The following UHRF2 variants were observed in gnomAD, a reference collection of about 807,000 sequenced individuals.
The protein encoded by UHRF2 is ubiquitin like with PHD and ring finger domains 2.
A neutral mutation model predicts 96.8 loss-of-function variants in UHRF2; 23 were observed. The ratio of observed to expected loss-of-function variants is 0.24; its 90% confidence interval spans 0.17 to 0.34. UHRF2 has a LOEUF of 0.34. Among genes scored for constraint, UHRF2 ranks in the 10% least tolerant of loss-of-function variants. The pLI is 1.00. For synonymous variants in UHRF2, 385 were observed against 332.6 expected, an observed-to-expected ratio of 1.16 and a Z score of -1.72; for missense variants, 685 against 981.5, an observed-to-expected ratio of 0.70 and a Z score of 4.04.
chr9:6,416,170 T>G (rs1587750864), intron 1 of UHRF2, among the ~76,000 whole-genome samples: 1 of 152,130 alleles, frequency 6.6e-6, no homozygotes, highest in Admixed American at 6.6e-5. Context: ...TTCAAGCGAT[T>G]CCCCTGCCGC....
rs764909982 is a variant in UHRF2 at position 6,460,637 on chromosome 9, T to C, written c.709T>C (p.Leu237=). Residue 237 remains leucine, a synonymous_variant, in exon 4 of 16, where the codon TTG becomes CTG. Transcript: ENST00000276893. ...KDLRPRARTI[L]KWNELNVGDV... ...TCTTAGACCACGAGCTAGAACCATTTTGAAATGGAATGAACTAAATGTTGG... is the reference window on the plus strand; with the variant it reads ...TCTTAGACCACGAGCTAGAACCATTCTGAAATGGAATGAACTAAATGTTGG... 1 of 1,613,194 alleles carries C rather than the reference T, an allele frequency of 6.2e-7. No individual in the cohort carries two copies. The highest frequency in any genetic ancestry group is 8.5e-7 in the Non-Finnish European group (1 of 1,179,792).
intron 3 of UHRF2, among the ~76,000 whole-genome samples, chr9:6,445,981 C>CCCCT (rs1554624504): frequency 1.5e-4 from 12 of 78,894 alleles, no homozygotes; most frequent in Non-Finnish European, 2.1e-4. Context: ...CCCCGCCACC[C>CCCCT]TTTTTTTTTT....
chr9:6,424,101 C>T (rs1035693682), intron 2 of UHRF2, among the ~76,000 whole-genome samples: 3 of 144,146 alleles, frequency 2.1e-5, no homozygotes, highest in African/African-American at 5.0e-5. Flanking sequence ...TCTGGAAGTA[C>T]TAGATAATGC....
chr9:6,438,743 C>CT (rs1391176659), intron 3 of UHRF2, among the ~76,000 whole-genome samples: 2 of 152,158 alleles, frequency 1.3e-5, no homozygotes, highest in Non-Finnish European at 2.9e-5. Context: ...ATCTACGTAT[C>CT]TAATAGATTA....
chr9:6,465,284 A>C lies in UHRF2; in HGVS notation c.863+4493A>C, dbSNP rs143234570. 5.7e-4 allele frequency among the ~76,000 whole-genome samples: 87 copies of C among 152,288 alleles called. 2 individuals are homozygous for C. The East Asian group carries it at 0.016, about 28-fold the overall frequency. ...ATTTGTATTAATGCGTGAAATTTAC[A>C]TGTTAATTTTCCTATCTCAGTGTCC... On this transcript the variant is annotated intron_variant, in intron 4 of 15. Coordinates refer to ENST00000276893, the MANE Select transcript of UHRF2 (RefSeq NM_152896.3).
chr9:6,413,754 C>G (rs746105180), intron 1 of UHRF2, 111 bp downstream of exon 1: 7 of 1,270,652 alleles, frequency 5.5e-6, no homozygotes, highest in Non-Finnish European at 7.0e-6. Flanking sequence ...GCTCACCTGG[C>G]TCCGCTGCGG....
At position 6,422,519 on chromosome 9, in the gene UHRF2, G is replaced by T. The variant is rs774972230; in HGVS notation, c.384+1377G>T. The T allele has an allele frequency of 1.6e-5, 7 of 426,950 alleles. No homozygotes were observed. In the South Asian group the frequency reaches 2.7e-4, roughly 16 times the overall value. 26.4% of individuals were successfully genotyped at this position (426,950 alleles called of 1,614,324 possible). A position where few individuals can be genotyped will look rare whatever the true frequency, so the allele number is the denominator to read the frequency against. ...AATCTGATGGGATTCTATGGAGATTGCATCTATAGATCAGCTTGGAGAATC... is the reference window on the plus strand; with the variant it reads ...AATCTGATGGGATTCTATGGAGATTTCATCTATAGATCAGCTTGGAGAATC... On this transcript the variant is annotated intron_variant, in intron 2 of 15. Coordinates refer to ENST00000276893, the MANE Select transcript of UHRF2 (RefSeq NM_152896.3).
intron 5 of UHRF2, among the ~76,000 whole-genome samples, chr9:6,476,594 TG>T (rs1401814896): frequency 2.0e-5 from 3 of 152,114 alleles, no homozygotes; most frequent in Non-Finnish European, 4.4e-5. Context: ...TTTTTTTGTT[TG>T]TTTTTTGTTT....
intron 4 of UHRF2, among the ~76,000 whole-genome samples, chr9:6,467,805 C>G (rs901653028): frequency 6.6e-6 from 1 of 152,050 alleles, no homozygotes; most frequent in African/African-American, 2.4e-5. Flanking sequence ...GGCCTCTGAA[C>G]CGGACTGAAT....
chr9:6,435,497 G>A (rs1037643051), intron 3 of UHRF2, among the ~76,000 whole-genome samples: 3 of 152,106 alleles, frequency 2.0e-5, no homozygotes, highest in African/African-American at 2.4e-5. Context: ...AGTATAATTC[G>A]TTGTTTTTGA....
Position 6,499,823 on chromosome 9 carries a change from C to G in UHRF2, c.1909-12C>G, listed in dbSNP as rs1397007732. On this transcript the variant is annotated splice_polypyrimidine_tract_variant and intron_variant, in intron 12 of 15. Transcript: ENST00000276893. The stretch of plus-strand genomic sequence containing the variant: ...AATCTGCATTGTACTCTCCCTCCTC[C>G]CCCCCCATCAGTATCCAGCAGGTTA... 2.6e-6 allele frequency: 4 copies of G among 1,509,878 alleles called. No individual in the cohort carries two copies. The highest frequency in any genetic ancestry group is 2.6e-6 in the Non-Finnish European group (3 of 1,132,242). The allele number at this position is 1,509,878 out of a possible 1,614,324, so 93.5% of individuals were successfully genotyped here. A position where few individuals can be genotyped will look rare whatever the true frequency, so the allele number is the denominator to read the frequency against.
chr9:6,464,279 G>T (rs752530883), intron 4 of UHRF2, among the ~76,000 whole-genome samples: 4 of 152,118 alleles, frequency 2.6e-5, no homozygotes, highest in Non-Finnish European at 5.9e-5. Flanking sequence ...TTTTTTTGTT[G>T]TTAATTAAAT....
intron 3 of UHRF2, among the ~76,000 whole-genome samples, chr9:6,442,762 A>C (rs979180000): frequency 3.9e-5 from 6 of 152,002 alleles, no homozygotes; most frequent in African/African-American, 1.2e-4. Context: ...AAGTCCTGGA[A>C]GTACAGGCCT....
chr9:6,445,266 T>C (rs1821417912), intron 3 of UHRF2, among the ~76,000 whole-genome samples: 2 of 151,810 alleles, frequency 1.3e-5, no homozygotes, highest in African/African-American at 2.4e-5. Flanking sequence ...GTGTTATTTA[T>C]GTATTGATTG....
intron 9 of UHRF2, among the ~76,000 whole-genome samples, chr9:6,488,332 C>G (rs1459697578): frequency 3.0e-5 from 4 of 133,290 alleles, no homozygotes; most frequent in Admixed American, 1.7e-4. Context: ...CCTGTGCCCT[C>G]TACCCAGTTT....
chr9:6,463,084 C>G (rs891712844), intron 4 of UHRF2, among the ~76,000 whole-genome samples: 1 of 152,102 alleles, frequency 6.6e-6, no homozygotes, highest in African/African-American at 2.4e-5. Context: ...GAGATCGAGA[C>G]CAGTCTGACC....
At chr9:6,422,654 G>T in intron 2 of UHRF2, 1 of 652,684 alleles carries the variant, frequency 1.5e-6, no homozygotes. Flanking sequence ...CTGTCACCCA[G>T]GCTGTAGTGC....
intron 3 of UHRF2, among the ~76,000 whole-genome samples, chr9:6,435,742 G>A (rs572670227): frequency 6.6e-6 from 1 of 152,150 alleles, no homozygotes; most frequent in Non-Finnish European, 1.5e-5. Flanking sequence ...GAGTAGCTGG[G>A]GGCTACAGGT....
At chr9:6,421,220 A>C in intron 2 of UHRF2, 78 bp downstream of exon 2, 1 of 1,096,320 alleles carries the variant, frequency 9.1e-7, no homozygotes, top group East Asian at 2.6e-5. Flanking sequence ...TTGAATAAGT[A>C]AACATTGATT....
Sources: gnomAD v4.1 joint callset for allele counts (sites outside exome capture counted in the v4.1 genomes callset) on GRCh38, gnomAD v4.1.1 for gene constraint, MANE v1.5 for transcripts, NCBI Gene and HGNC (gene_info 2026-07-23, HGNC 2026-07-21) for gene names.